The following C2orf74 variants were observed in gnomAD, a reference collection of about 807,000 sequenced individuals.
The protein encoded by C2orf74 is DPM1 ER membrane anchor 1, also known as uncharacterized protein C2orf74.
A neutral mutation model predicts 17.9 loss-of-function variants in C2orf74; 14 were observed. The observed-to-expected ratio is 0.78, with a 90% CI of 0.52 to 1.22. C2orf74 has a LOEUF of 1.22. Ranked by LOEUF, C2orf74 falls within the 50% of genes most tolerant of loss-of-function variation. The probability of loss-of-function intolerance (pLI) is 0.00; values close to 1 mark genes in which losing one functional copy is unlikely to be tolerated. For synonymous variants in C2orf74, 79 were observed against 72.6 expected (o/e 1.09, Z -0.44); for missense variants, 217 against 218.4 (o/e 0.99, Z 0.04).
upstream of C2orf74, among the ~76,000 whole-genome samples, chr2:61,161,540 T>C (rs1052588312): frequency 6.6e-6 from 1 of 152,214 alleles, no homozygotes; most frequent in Admixed American, 6.5e-5. Context: ...CGTTGGTTGG[T>C]TTTTGTGTAC....
intron 4 of C2orf74, among the ~76,000 whole-genome samples, chr2:61,163,858 A>G (rs1460927397): frequency 6.6e-6 from 1 of 152,046 alleles, no homozygotes; most frequent in Non-Finnish European, 1.5e-5. Flanking sequence ...AGCTGTTAAG[A>G]GACTATCTAG....
chr2:61,161,881 C>A (rs187216305), upstream of C2orf74: 1 of 152,558 alleles, frequency 6.6e-6, no homozygotes, highest in East Asian at 1.9e-4. Context: ...AGGAAGTATA[C>A]CAATTGTTCA....
At chr2:61,153,350 A>G (rs993583414) in intron 1 of C2orf74, among the ~76,000 whole-genome samples, 8 of 151,646 alleles carry the variant, frequency 5.3e-5, no homozygotes, top group African/African-American at 1.9e-4. Flanking sequence ...GCGCGATCTC[A>G]GCTCACTGCA....
upstream of C2orf74, chr2:61,161,764 A>G (rs535450083): frequency 5.2e-5 from 8 of 152,592 alleles, no homozygotes; most frequent in East Asian, 5.8e-4. Context: ...TCCCTCTTCA[A>G]TTTTTGAAAG....
At chr2:61,145,311 G>A (rs981422975) in intron 1 of C2orf74, 1 of 152,286 alleles carries the variant, frequency 6.6e-6, no homozygotes, top group African/African-American at 2.4e-5. Flanking sequence ...ACAGGCAGCA[G>A]TGCATTAGAC....
At chr2:61,146,920 C>G (rs903051625) in intron 1 of C2orf74, among the ~76,000 whole-genome samples, 1 of 151,754 alleles carries the variant, frequency 6.6e-6, no homozygotes, top group Non-Finnish European at 1.5e-5. Context: ...AAGACTGAGA[C>G]AGGAGGATTG....
chr2:61,161,537 TG>T, upstream of C2orf74, among the ~76,000 whole-genome samples: 1 of 152,348 alleles, frequency 6.6e-6, no homozygotes, highest in African/African-American at 2.4e-5. Flanking sequence ...TTACGTTGGT[TG>T]GTTTTTGTGT....
chr2:61,153,005 A>G (rs1338000517), intron 1 of C2orf74, among the ~76,000 whole-genome samples: 1 of 150,982 alleles, frequency 6.6e-6, no homozygotes, highest in East Asian at 2.0e-4. Flanking sequence ...ATACAAAATT[A>G]GCCGGGCGTT....
intron 1 of C2orf74, among the ~76,000 whole-genome samples, chr2:61,147,221 T>C (rs1381100619): frequency 7.4e-5 from 9 of 121,804 alleles, no homozygotes; most frequent in African/African-American, 2.8e-4. Flanking sequence ...TCCTTTCCTT[T>C]CCTTTTTTTT....
intron 1 of C2orf74, among the ~76,000 whole-genome samples, chr2:61,145,533 C>G (rs937053569): frequency 1.3e-5 from 2 of 152,112 alleles, no homozygotes; most frequent in East Asian, 1.9e-4. Flanking sequence ...AAGTGATTCT[C>G]CCACCTCAGC....
rs191446314 is a variant in C2orf74, at chr2:61,146,640, C to T, written c.-122+1444C>T. ...CACGAGGTCAGGAGATGGAGACCGTCGTGGCCAATGTGGTGAAACCCCGTC... is the reference window on the plus strand; with the variant it reads ...CACGAGGTCAGGAGATGGAGACCGTTGTGGCCAATGTGGTGAAACCCCGTC... On this transcript the variant is annotated intron_variant, in intron 1 of 3. Transcript: ENST00000426997. Among the ~76,000 whole-genome samples, 383 of 152,238 alleles carry T rather than the reference C, an allele frequency of 2.5e-3. 2 individuals carry two copies. The highest frequency in any genetic ancestry group is 8.6e-3 in the African/African-American group (356 of 41,538).
chr2:61,148,616 T>C (rs1254086240), intron 1 of C2orf74, among the ~76,000 whole-genome samples: 1 of 152,266 alleles, frequency 6.6e-6, no homozygotes, highest in African/African-American at 2.4e-5. Flanking sequence ...TTGCGTGAAA[T>C]GCCTGTTCAA....
At chr2:61,150,970 C>T (rs1345141550) in intron 1 of C2orf74, among the ~76,000 whole-genome samples, 1 of 152,094 alleles carries the variant, frequency 6.6e-6, no homozygotes, top group Non-Finnish European at 1.5e-5. Context: ...CCTTTGCTTT[C>T]ACTAAGAATT....
intron 1 of C2orf74, among the ~76,000 whole-genome samples, chr2:61,148,156 A>G (rs925101543): frequency 4.6e-4 from 68 of 147,940 alleles, no homozygotes; most frequent in Non-Finnish European, 3.1e-4. Context: ...ATAAAAATGT[A>G]TATGTATTAT....
intron 1 of C2orf74, among the ~76,000 whole-genome samples, chr2:61,156,153 T>C (rs1284757676): frequency 6.6e-6 from 1 of 152,134 alleles, no homozygotes; most frequent in Non-Finnish European, 1.5e-5. Context: ...GAGCTATGAT[T>C]GCACTACTGC....
chr2:61,158,838 A>C (rs1685475257), upstream of C2orf74, among the ~76,000 whole-genome samples: 1 of 152,176 alleles, frequency 6.6e-6, no homozygotes, highest in South Asian at 2.1e-4. Flanking sequence ...TCAAGTTTTA[A>C]GACCAGGGGA....
At chr2:61,163,980 A>C (rs1685652407) in intron 4 of C2orf74, among the ~76,000 whole-genome samples, 1 of 152,040 alleles carries the variant, frequency 6.6e-6, no homozygotes, top group African/African-American at 2.4e-5. Context: ...CCAGGGTCCT[A>C]CAACAGCACA....
intron 1 of C2orf74, chr2:61,151,499 G>C (rs1349599252): frequency 6.6e-6 from 1 of 151,290 alleles, no homozygotes; most frequent in Non-Finnish European, 1.5e-5. Context: ...GGTCTTTCTA[G>C]AGGTTGCAGT....
upstream of C2orf74, among the ~76,000 whole-genome samples, chr2:61,158,167 T>A (rs1235612810): frequency 6.6e-6 from 1 of 152,204 alleles, no homozygotes; most frequent in East Asian, 1.9e-4. Flanking sequence ...CTACCCAGAC[T>A]GTCTTACTTT....
Sources: allele counts gnomAD v4.1 joint callset (sites outside exome capture counted in the v4.1 genomes callset), GRCh38; gene constraint gnomAD v4.1.1; transcripts MANE v1.5; gene names NCBI Gene and HGNC (gene_info 2026-07-23, HGNC 2026-07-21).